CSMD2: variants seen among roughly 807,000 people sequenced by gnomAD.
CSMD2 encodes the protein CUB and sushi domain-containing protein 2.
CSMD2 carries 130 observed loss-of-function variants against 398.5 expected under a neutral mutation model. That is an observed-to-expected ratio of 0.33 (90% confidence interval 0.28 to 0.38). CSMD2 has a LOEUF of 0.38. Among genes scored for constraint, CSMD2 ranks in the 10% least tolerant of loss-of-function variants. The pLI, the probability that CSMD2 is intolerant of heterozygous loss-of-function variation, is 1.00. For synonymous variants in CSMD2, 1,828 were observed against 1,908.5 expected (o/e 0.96, Z 1.10); for missense variants, 3,829 against 4,764.9 (o/e 0.80, Z 5.78).
rs541582298 is a variant in CSMD2, at chr1:34,082,779, G to A, written c.404+6198C>T. Among the ~76,000 whole-genome samples, 9 of 151,836 alleles carry A rather than the reference G, an allele frequency of 5.9e-5. No homozygotes were observed. The East Asian group carries it at 1.5e-3, about 26-fold the overall frequency. ...AATCTATAACCTTACCCCCAACCCC[G>A]TGCTCTCTGAAACATGTGCTGTGTC... is the stretch of plus-strand genomic sequence containing the variant. On this transcript the variant is annotated intron_variant, in intron 2 of 70. Coordinates refer to ENST00000373381, the MANE Select transcript of CSMD2 (RefSeq NM_001281956.2).
intron 3 of CSMD2, among the ~76,000 whole-genome samples, chr1:33,977,444 C>T (rs1646008367): frequency 6.6e-6 from 1 of 152,052 alleles, no homozygotes; most frequent in Non-Finnish European, 1.5e-5. Flanking sequence ...AGACACCCTC[C>T]CTATTACCCA....
intron 29 of CSMD2, among the ~76,000 whole-genome samples, chr1:33,642,465 A>C (rs1388948751): frequency 6.6e-6 from 1 of 152,140 alleles, no homozygotes. Flanking sequence ...AGGAAAATTG[A>C]TCTGCAGGGA....
intron 2 of CSMD2, among the ~76,000 whole-genome samples, chr1:34,081,620 G>C (rs1050644647): frequency 6.6e-6 from 1 of 152,136 alleles, no homozygotes; most frequent in African/African-American, 2.4e-5. Flanking sequence ...GGGTTTCGCC[G>C]TGTTGGCCGG....
chr1:33,579,027 T>A (rs537291770), intron 48 of CSMD2, among the ~76,000 whole-genome samples: 1 of 152,308 alleles, frequency 6.6e-6, no homozygotes, highest in African/African-American at 2.4e-5. Context: ...ATTACACTCA[T>A]CTACTCGATC....
At chr1:33,724,367 C>T in intron 18 of CSMD2, 54 bp from the exon 19 acceptor site, 3 of 1,512,884 alleles carry the variant, frequency 2.0e-6, no homozygotes, top group Non-Finnish European at 2.7e-6. Context: ...AGGGAGCACC[C>T]CCGTCATCCT....
intron 10 of CSMD2, among the ~76,000 whole-genome samples, chr1:33,808,319 T>G (rs1570051198): frequency 6.6e-6 from 1 of 152,120 alleles, no homozygotes; most frequent in Admixed American, 6.5e-5. Flanking sequence ...AAATGCAGGG[T>G]TTTTTTCAAG....
intron 5 of CSMD2, chr1:33,864,187 C>T (rs774843525): frequency 1.6e-5 from 25 of 1,588,304 alleles, no homozygotes; most frequent in East Asian, 1.6e-4. Flanking sequence ...GGTGAACTTA[C>T]GAACATGGGA....
intron 5 of CSMD2, among the ~76,000 whole-genome samples, chr1:33,888,985 C>T (rs543939125): frequency 7.2e-4 from 110 of 152,118 alleles, no homozygotes; most frequent in South Asian, 5.0e-3. Flanking sequence ...TTAGCCAGGA[C>T]AGTCTCCATC....
chr1:33,610,490 T>C (rs994463053), intron 41 of CSMD2, among the ~76,000 whole-genome samples: 3 of 150,674 alleles, frequency 2.0e-5, no homozygotes, highest in Non-Finnish European at 4.4e-5. Context: ...TTCCAGGGAA[T>C]GTCCCAGAAT....
chr1:33,845,542 T>C lies in CSMD2; in HGVS notation c.1033+1342A>G, dbSNP rs76588554. On this transcript the variant is annotated intron_variant, in intron 6 of 70. Coordinates refer to ENST00000373381, the MANE Select transcript of CSMD2 (RefSeq NM_001281956.2). ...GCACTTACTTAATCAGATACAATTA[T>C]AGCATTCATCTCTGCTTTTGTCTTT... Among the ~76,000 whole-genome samples, 462 of 152,350 alleles carry C rather than the reference T, an allele frequency of 3.0e-3. 2 individuals carry two copies. The highest frequency in any genetic ancestry group is 0.01 in the African/African-American group (419 of 41,584).
At chr1:34,119,630 A>G (rs1334741484) in intron 1 of CSMD2, among the ~76,000 whole-genome samples, 43 of 152,238 alleles carry the variant, frequency 2.8e-4, no homozygotes, top group Admixed American at 2.8e-3. Flanking sequence ...ACATTTCCCC[A>G]AAGAAGATAG....
chr1:33,774,380 A>C (rs1225921144), intron 12 of CSMD2, among the ~76,000 whole-genome samples: 1 of 152,144 alleles, frequency 6.6e-6, no homozygotes, highest in Non-Finnish European at 1.5e-5. Flanking sequence ...ACACTGAGGC[A>C]TTCCAGGAAC....
intron 22 of CSMD2, among the ~76,000 whole-genome samples, chr1:33,705,739 A>T (rs765290994): frequency 6.6e-6 from 1 of 151,192 alleles, no homozygotes; most frequent in Non-Finnish European, 1.5e-5. Context: ...GTTCCTAAAC[A>T]TTCCTTCTCT....
chr1:33,682,449 G>C (rs1426175815), intron 25 of CSMD2, among the ~76,000 whole-genome samples: 1 of 152,158 alleles, frequency 6.6e-6, no homozygotes, highest in African/African-American at 2.4e-5. Context: ...GCCGATGAGA[G>C]CCAATTTTAT....
chr1:33,534,598 G>A (rs1655586689), intron 62 of CSMD2, among the ~76,000 whole-genome samples: 1 of 152,146 alleles, frequency 6.6e-6, no homozygotes, highest in African/African-American at 2.4e-5. Context: ...AATGCGGCTA[G>A]ATCTGTTTCC....
chr1:33,856,272 C>T (rs956423734), intron 5 of CSMD2, among the ~76,000 whole-genome samples: 1 of 152,194 alleles, frequency 6.6e-6, no homozygotes, highest in African/African-American at 2.4e-5. Context: ...AAATGAGGCA[C>T]CTGCATCTAC....
chr1:33,710,145 G>C (rs1308915729), intron 21 of CSMD2, among the ~76,000 whole-genome samples: 2 of 152,136 alleles, frequency 1.3e-5, no homozygotes, highest in East Asian at 1.9e-4. Context: ...TCGTGTTACT[G>C]TCTCCTTAAC....
intron 44 of CSMD2, among the ~76,000 whole-genome samples, chr1:33,592,826 G>A (rs1324389792): frequency 6.6e-6 from 1 of 152,004 alleles, no homozygotes; most frequent in Non-Finnish European, 1.5e-5. Context: ...GTGGGTGCCT[G>A]TAGTCCCAGC....
chr1:33,837,138 T>TG (rs1197636906), intron 6 of CSMD2, among the ~76,000 whole-genome samples: 3 of 151,884 alleles, frequency 2.0e-5, no homozygotes, highest in Admixed American at 6.6e-5. Flanking sequence ...CTCAGGTGGG[T>TG]GGGGTGATGA....
Sources: gnomAD v4.1 joint callset for allele counts (sites outside exome capture counted in the v4.1 genomes callset) on GRCh38, gnomAD v4.1.1 for gene constraint, MANE v1.5 for transcripts, NCBI Gene and HGNC (gene_info 2026-07-23, HGNC 2026-07-21) for gene names.